NOS1: variants seen among roughly 807,000 people sequenced by gnomAD.
The protein encoded by NOS1 is nitric oxide synthase 1.
A neutral mutation model predicts 164.5 loss-of-function variants in NOS1; 51 were observed. That is an observed-to-expected ratio of 0.31 (90% CI 0.25 to 0.39). The LOEUF (loss-of-function observed/expected upper bound fraction) is 0.39, where lower values mean the gene tolerates loss of function less well. Ranked by LOEUF, NOS1 falls within the 10% of genes least tolerant of loss-of-function variation. NOS1 has a pLI of 1.00. For missense variants in NOS1, 1,362 were observed against 1,885.6 expected, an observed-to-expected ratio of 0.72 and a Z score of 5.14; for synonymous variants, 719 against 745.8, an observed-to-expected ratio of 0.96 and a Z score of 0.59.
rs548157712 is a variant in NOS1, at chr12:117,330,960, C to T, written c.110G>A (p.Ser37Asn). The T allele has an allele frequency of 5.8e-5, 93 of 1,614,086 alleles. No homozygotes were observed. Among genetic ancestry groups the T allele is most frequent in the Non-Finnish European group, 7.7e-5 (91 of 1,180,038 alleles). ...GTCAGAGATGATCACGGGCGGCTTA[C>T]TGACCCGCTCCTTCACCAGAAATCC... The part of the protein sequence containing the change: ...GLGFLVKERV[S>N]KPPVIISDLI... Residue 37 changes from serine (S) to asparagine (N), a missense_variant, in exon 2 of 29, where the codon AGT becomes AAT. By Grantham distance (46) the Ser-to-Asn change is conservative. Coordinates refer to ENST00000317775, the MANE Select transcript of NOS1 (RefSeq NM_000620.5). The surrounding 1 kb of genome is among the most constrained non-coding windows in gnomAD (Gnocchi z 4.6).
intron 9 of NOS1, among the ~76,000 whole-genome samples, chr12:117,273,455 C>T (rs974366684): frequency 6.6e-6 from 1 of 152,110 alleles, no homozygotes. Context: ...TGGCACTATC[C>T]TTGGGTGTAA....
At chr12:117,351,005 C>T (rs1876589154) in intron 1 of NOS1, among the ~76,000 whole-genome samples, 1 of 152,096 alleles carries the variant, frequency 6.6e-6, no homozygotes, top group Non-Finnish European at 1.5e-5. Context: ...TCCCAGCTAC[C>T]CAGGAGGCTG....
intron 23 of NOS1, 31 bp from the exon 24 acceptor site, chr12:117,226,801 C>A: frequency 6.4e-7 from 1 of 1,573,848 alleles, no homozygotes; most frequent in South Asian, 1.1e-5. Context: ...GTCAGGGCCA[C>A]CCACTGCTCC....
chr12:117,253,614 C>T (rs759432154), intron 17 of NOS1, 24 bp downstream of exon 17: 121 of 1,543,248 alleles, frequency 7.8e-5, no homozygotes, highest in Non-Finnish European at 1.0e-4. Flanking sequence ...CCCTGACCCC[C>T]GACCCCCTTA....
intron 24 of NOS1, 50 bp from the exon 25 acceptor site, chr12:117,225,187 A>G: frequency 6.4e-7 from 1 of 1,571,838 alleles, no homozygotes. Context: ...AAATCCAATC[A>G]AGAACAATTG....
At chr12:117,219,507 A>G (rs568968119) in intron 27 of NOS1, among the ~76,000 whole-genome samples, 131 of 135,950 alleles carry the variant, frequency 9.6e-4, no homozygotes, top group Non-Finnish European at 1.1e-3. Context: ...GGGTTTCACT[A>G]TGTTAGTCAG....
intron 2 of NOS1, among the ~76,000 whole-genome samples, chr12:117,324,390 C>G (rs961257839): frequency 2.0e-5 from 3 of 152,134 alleles, no homozygotes; most frequent in Non-Finnish European, 2.9e-5. Flanking sequence ...TCCTTCAGGG[C>G]AGCAAGCTGA....
At chr12:117,339,724 A>G (rs1403725506) in intron 1 of NOS1, among the ~76,000 whole-genome samples, 1 of 152,246 alleles carries the variant, frequency 6.6e-6, no homozygotes, top group Non-Finnish European at 1.5e-5. Flanking sequence ...AGAGCTAAAA[A>G]GACCAGACCA....
chr12:117,312,190 C>T (rs183686090), intron 2 of NOS1, among the ~76,000 whole-genome samples: 20 of 152,116 alleles, frequency 1.3e-4, no homozygotes, highest in Non-Finnish European at 2.4e-4. Flanking sequence ...ATTTATTAAA[C>T]GCTTACTATG....
intron 10 of NOS1, among the ~76,000 whole-genome samples, 193 bp from the exon 11 acceptor site, chr12:117,268,337 T>C (rs1386398308): frequency 1.3e-5 from 2 of 151,924 alleles, no homozygotes; most frequent in East Asian, 3.9e-4. Context: ...TTCAAGCGAT[T>C]CTCCTGCCTC....
intron 16 of NOS1, among the ~76,000 whole-genome samples, chr12:117,255,357 C>A (rs2135971311): frequency 6.6e-6 from 1 of 151,580 alleles, no homozygotes; most frequent in South Asian, 2.1e-4. Flanking sequence ...AGAAGCAAAC[C>A]CAACACACAA....
chr12:117,354,423 C>T (rs967680905), intron 1 of NOS1, among the ~76,000 whole-genome samples: 6 of 149,710 alleles, frequency 4.0e-5, no homozygotes, highest in African/African-American at 1.5e-4. Flanking sequence ...ACAAGCACAT[C>T]GATGCTATTG....
intron 3 of NOS1, among the ~76,000 whole-genome samples, chr12:117,306,181 G>GTCTATCAGTCATGCTCCCAGGAA (rs1240880245): frequency 6.6e-6 from 1 of 152,056 alleles, no homozygotes; most frequent in African/African-American, 2.4e-5. Flanking sequence ...AGCTCTGCTG[G>GTCTATCAGTCATGCTCCCAGGAA]TCTATCAGTC....
At chr12:117,277,883 G>C (rs1421000859) in intron 9 of NOS1, 76 bp downstream of exon 9, 2 of 1,490,132 alleles carry the variant, frequency 1.3e-6, no homozygotes, top group Non-Finnish European at 1.8e-6. Flanking sequence ...AGAAAGCCAG[G>C]GGGGATGGGG....
chr12:117,360,770 A>C (rs1877101874), intron 1 of NOS1, among the ~76,000 whole-genome samples: 1 of 152,158 alleles, frequency 6.6e-6, no homozygotes, highest in Non-Finnish European at 1.5e-5. Flanking sequence ...GGAAGGCGTA[A>C]AGTTGAGCTT....
At chr12:117,312,046 G>T (rs562072651) in intron 2 of NOS1, among the ~76,000 whole-genome samples, 1 of 152,238 alleles carries the variant, frequency 6.6e-6, no homozygotes, top group African/African-American at 2.4e-5. Context: ...TGTGGGCTTT[G>T]GGTAATAAGT....
At chr12:117,359,876 TTATATATATATATATATATATATA>T (rs56787288) in intron 1 of NOS1, among the ~76,000 whole-genome samples, 593 of 36,994 alleles carry the variant, frequency 0.016, 61 homozygotes, top group East Asian at 0.099. Context: ...AATAATGGTT[TTATATATATATATATATATATATA>T]TATATATATA....
In NOS1 at chr12:117,335,729, T is replaced by TGAGAGAGAGAGAGAGAGAGAGAGAGAGA. The variant is rs60613906; in HGVS notation, c.-420-4268_-420-4241dup. 4.3e-3 allele frequency among the ~76,000 whole-genome samples: 489 copies of TGAGAGAGAGAGAGAGAGAGAGAGAGAGA among 112,504 alleles called. 38 individuals are homozygous for TGAGAGAGAGAGAGAGAGAGAGAGAGAGA. Among genetic ancestry groups the TGAGAGAGAGAGAGAGAGAGAGAGAGAGA allele is most frequent in the Non-Finnish European group, 5.7e-3 (313 of 55,346 alleles). 73.8% of individuals were successfully genotyped at this position (112,504 alleles called of 152,430 possible). A position where few individuals can be genotyped will look rare whatever the true frequency, so the allele number is the denominator to read the frequency against. ...TTTTATTTAATTGTTACAGACTATATGAGAGAGAGAGAGAGAGAGAGAGAG... is the reference window on the plus strand; with the variant it reads ...TTTTATTTAATTGTTACAGACTATATGAGAGAGAGAGAGAGAGAGAGAGAGAGAGAGAGAGAGAGAGAGAGAGAGAGAG... On this transcript the variant is annotated intron_variant, in intron 1 of 28. Transcript: ENST00000317775.
In NOS1 at chr12:117,214,639, C is replaced by T; in HGVS notation, c.*670G>A. The stretch of plus-strand genomic sequence containing the variant: ...CCCACTCCTCTCCCCATGCCCTGAA[C>T]CCTTTCTAACTAGAACAATTATGGG... On this transcript the variant is annotated 3_prime_UTR_variant, in exon 29 of 29. Coordinates refer to ENST00000317775, the MANE Select transcript of NOS1 (RefSeq NM_000620.5). 1.0e-6 allele frequency: 1 copy of T among 985,386 alleles called. No homozygotes were observed. The highest frequency in any genetic ancestry group is 1.2e-6 in the Non-Finnish European group (1 of 829,922). The allele number at this position is 985,386 out of a possible 1,614,324, so 61.0% of individuals were successfully genotyped here.
Sources: gnomAD v4.1 joint callset for allele counts (sites outside exome capture counted in the v4.1 genomes callset) on GRCh38, gnomAD v4.1.1 for gene constraint, Gnocchi (gnomAD v3.1) non-coding constraint, MANE v1.5 for transcripts, NCBI Gene and HGNC (gene_info 2026-07-23, HGNC 2026-07-21) for gene names.